Variants in PPP2R5D observed in about 807,000 individuals in gnomAD.
The protein encoded by PPP2R5D is serine/threonine-protein phosphatase 2A 56 kDa regulatory subunit delta isoform.
A neutral mutation model predicts 79.1 loss-of-function variants in PPP2R5D; 12 were observed. The observed-to-expected ratio is 0.15, with a 90% CI of 0.10 to 0.25. The LOEUF is 0.25. Among genes scored for constraint, PPP2R5D ranks in the 10% least tolerant of loss-of-function variants. The pLI, the probability that PPP2R5D is intolerant of heterozygous loss-of-function variation, is 1.00. For missense variants in PPP2R5D, 419 were observed against 760.2 expected (o/e 0.55, Z 5.28); for synonymous variants, 277 against 286.6 (o/e 0.97, Z 0.34).
Position 42,984,628 on chromosome 6 carries a change from C to CGGAGCCGGAGCGGGGCCGCA in PPP2R5D, c.-45_-26dup. 2 of 1,567,556 alleles carry CGGAGCCGGAGCGGGGCCGCA rather than the reference C, an allele frequency of 1.3e-6. No homozygotes were observed. The highest frequency in any genetic ancestry group is 1.7e-6 in the Non-Finnish European group (2 of 1,158,312). ...CGGGCCGAGTGCGGCCGAGCAAAGCCGGAGCCGGAGCGGGGCCGCAGGAGA... is the reference window on the plus strand; with the variant it reads ...CGGGCCGAGTGCGGCCGAGCAAAGCCGGAGCCGGAGCGGGGCCGCAGGAGCCGGAGCGGGGCCGCAGGAGA... On this transcript the variant is annotated 5_prime_UTR_variant, in exon 1 of 16. Transcript: ENST00000485511.
At chr6:43,000,756 G>T (rs1772125594) in intron 2 of PPP2R5D, among the ~76,000 whole-genome samples, 1 of 152,182 alleles carries the variant, frequency 6.6e-6, no homozygotes, top group East Asian at 1.9e-4. Flanking sequence ...ATGCTGTATA[G>T]CCCCCTGTTC....
In PPP2R5D at chr6:42,992,374, T is replaced by C. The variant is rs1337296833; in HGVS notation, c.105+2686T>C. On this transcript the variant is annotated intron_variant, in intron 2 of 15. Coordinates refer to ENST00000485511, the MANE Select transcript of PPP2R5D (RefSeq NM_006245.4). ...GCGCCCGGCCCCCTTGCCCTTTTCT[T>C]GTCCGGAATTTTGGGCTCTTCTAGC... is the stretch of plus-strand genomic sequence containing the variant. Among the ~76,000 whole-genome samples, 6 of 152,174 alleles carry C rather than the reference T, an allele frequency of 3.9e-5. No individual in the cohort carries two copies. In the East Asian group the frequency reaches 1.2e-3, roughly 29 times the overall value.
chr6:42,984,760 G>C, intron 1 of PPP2R5D, 56 bp downstream of exon 1: 1 of 1,608,382 alleles, frequency 6.2e-7, no homozygotes, highest in Non-Finnish European at 8.5e-7. Flanking sequence ...GGAGCTCTGG[G>C]AGGGGCCGGA....
chr6:42,986,280 C>T (rs2150247567), intron 1 of PPP2R5D, among the ~76,000 whole-genome samples: 1 of 152,304 alleles, frequency 6.6e-6, no homozygotes, highest in South Asian at 2.1e-4. Flanking sequence ...CTTCTCCTCT[C>T]CTGGGGCTGG....
chr6:42,989,749 C>A, intron 2 of PPP2R5D, 61 bp downstream of exon 2: 1 of 1,487,390 alleles, frequency 6.7e-7, no homozygotes, highest in Non-Finnish European at 9.3e-7. Context: ...TCCATGATGG[C>A]TAGTTGGGTA....
Position 43,007,911 on chromosome 6 carries a change from G to T in PPP2R5D, c.727-24G>T. 1 of 1,612,662 alleles carries T rather than the reference G, an allele frequency of 6.2e-7. No individual in the cohort carries two copies. Among genetic ancestry groups the T allele is most frequent in the Non-Finnish European group, 8.5e-7 (1 of 1,178,796 alleles). The stretch of plus-strand genomic sequence containing the variant: ...TTCCCTGGCTGCTGCCTCACTGGCT[G>T]CTTTCCCTCCCTTGTACCCCCAGCT... On this transcript the variant is annotated intron_variant, in intron 6 of 15. Coordinates refer to ENST00000485511, the MANE Select transcript of PPP2R5D (RefSeq NM_006245.4). The surrounding 1 kb of genome is among the most constrained non-coding windows in gnomAD (Gnocchi z 4.5).
At chr6:42,996,545 A>G (rs1476097394) in intron 2 of PPP2R5D, among the ~76,000 whole-genome samples, 4 of 152,130 alleles carry the variant, frequency 2.6e-5, no homozygotes, top group Non-Finnish European at 4.4e-5. Context: ...CTTCAGGGAT[A>G]TCTTCCCTAA....
chr6:43,005,400 T>G (rs1762019798), intron 2 of PPP2R5D, among the ~76,000 whole-genome samples: 1 of 152,042 alleles, frequency 6.6e-6, no homozygotes, highest in Non-Finnish European at 1.5e-5. Context: ...CCTCCAACCT[T>G]GAGTAGCTGG....
At chr6:42,992,386 T>G (rs1011015243) in intron 2 of PPP2R5D, among the ~76,000 whole-genome samples, 1 of 152,328 alleles carries the variant, frequency 6.6e-6, no homozygotes, top group African/African-American at 2.4e-5. Context: ...TCCGGAATTT[T>G]GGGCTCTTCT....
Position 43,007,431 on chromosome 6 carries a change from C to T in PPP2R5D, c.651C>T (p.Phe217=). The stretch of plus-strand genomic sequence containing the variant: ...CCCTATAGCTCGTGTATGAGTTCTT[C>T]TTACGTTTCCTTGAGTCTCCTGATT... The part of the protein sequence containing the change: ...WPHLQLVYEF[F]LRFLESPDFQ... The change falls in exon 6 of 16, where the codon TTC becomes TTT. Residue 217 remains phenylalanine, a synonymous_variant. Transcript: ENST00000485511. The surrounding 1 kb of genome is among the most constrained non-coding windows in gnomAD (Gnocchi z 4.5). 6.2e-7 allele frequency: 1 copy of T among 1,613,412 alleles called. No homozygotes were observed. Among genetic ancestry groups the T allele is most frequent in the Non-Finnish European group, 8.5e-7 (1 of 1,179,306 alleles).
At chr6:42,985,491 T>C (rs868644110) in intron 1 of PPP2R5D, among the ~76,000 whole-genome samples, 3 of 152,362 alleles carry the variant, frequency 2.0e-5, no homozygotes, top group South Asian at 4.1e-4. Context: ...AGGCCTCTTT[T>C]GTATCAAAGC....
At chr6:42,996,212 C>A (rs1343428488) in intron 2 of PPP2R5D, among the ~76,000 whole-genome samples, 1 of 149,318 alleles carries the variant, frequency 6.7e-6, no homozygotes, top group Non-Finnish European at 1.5e-5. Context: ...ACCTGTAATC[C>A]CAGCACTTTG....
intron 1 of PPP2R5D, among the ~76,000 whole-genome samples, chr6:42,985,775 CTTT>C (rs945324833): frequency 1.7e-5 from 2 of 118,290 alleles, no homozygotes; most frequent in Non-Finnish European, 3.6e-5. Context: ...CAGGCCATTT[CTTT>C]TTTTTTTTTT....
In PPP2R5D at chr6:43,007,635, A is replaced by G. The variant is rs1762160781; in HGVS notation, c.726+129A>G. The G allele has an allele frequency of 5.1e-6, 5 of 971,506 alleles. No individual in the cohort carries two copies. The East Asian group carries it at 1.2e-4, about 24-fold the overall frequency. 60.2% of individuals were successfully genotyped at this position (971,506 alleles called of 1,614,324 possible). ...TCCATGTCTGGTACGAGGAGGCTAT[A>G]AAGGGTAAAAAACAAAACAAAACAA... On this transcript the variant is annotated intron_variant, in intron 6 of 15. Coordinates refer to ENST00000485511, the MANE Select transcript of PPP2R5D (RefSeq NM_006245.4). This position sits in a 1 kb window ranked among gnomAD's most constrained non-coding sequence, Gnocchi z 4.5.
intron 2 of PPP2R5D, among the ~76,000 whole-genome samples, chr6:42,993,882 T>C (rs942070279): frequency 6.6e-6 from 1 of 152,240 alleles, no homozygotes; most frequent in Non-Finnish European, 1.5e-5. Context: ...GGTAGGGGAC[T>C]GGATACTGTG....
chr6:43,004,635 T>G (rs571304114), intron 2 of PPP2R5D, among the ~76,000 whole-genome samples: 3 of 150,374 alleles, frequency 2.0e-5, no homozygotes, highest in Admixed American at 6.6e-5. Flanking sequence ...AAATAAGTCC[T>G]CATCATTCTT....
In PPP2R5D at chr6:43,010,262, C is replaced by T. The variant is rs919269999; in HGVS notation, c.1380-206C>T. Among the ~76,000 whole-genome samples the T allele has an allele frequency of 1.3e-5, 2 of 151,950 alleles. No homozygotes were observed. The highest frequency in any genetic ancestry group is 2.9e-5 in the Non-Finnish European group (2 of 68,008). ...GTGAGGGAAGGATGGACAGGTGGACCGATATTTGTGAAAACCATGAAATGC... is the reference window on the plus strand; with the variant it reads ...GTGAGGGAAGGATGGACAGGTGGACTGATATTTGTGAAAACCATGAAATGC... On this transcript the variant is annotated intron_variant, in intron 12 of 15. Transcript: ENST00000485511. The surrounding 1 kb of genome is among the most constrained non-coding windows in gnomAD (Gnocchi z 4.7).
Position 43,008,996 on chromosome 6 carries a change from C to A in PPP2R5D, c.1081-61C>A, listed in dbSNP as rs971769920. ...GTGGGGGAGAGAGCAGGTAGGAAAACTTCCTGGTGACCTAGGCAGGTGCAA... is the reference window on the plus strand; with the variant it reads ...GTGGGGGAGAGAGCAGGTAGGAAAAATTCCTGGTGACCTAGGCAGGTGCAA... On this transcript the variant is annotated intron_variant, in intron 10 of 15. Coordinates refer to ENST00000485511, the MANE Select transcript of PPP2R5D (RefSeq NM_006245.4). The surrounding 1 kb of genome is among the most constrained non-coding windows in gnomAD (Gnocchi z 4.2). The A allele has an allele frequency of 3.8e-6, 6 of 1,571,148 alleles. No individual in the cohort carries two copies. The Admixed American group carries it at 8.7e-5, about 23-fold the overall frequency.
chr6:43,006,878 C>CAGAGG lies in PPP2R5D; in HGVS notation c.323-29_323-25dup. On this transcript the variant is annotated intron_variant, in intron 3 of 15. Coordinates refer to ENST00000485511, the MANE Select transcript of PPP2R5D (RefSeq NM_006245.4). The surrounding 1 kb of genome is among the most constrained non-coding windows in gnomAD (Gnocchi z 4.7). Reference sequence around the variant, plus strand: ...AGCAGGGCATCGCAGTGAAGGACTACAGAGGAGAACCTGACTGCTGGGGCC... The same window carrying CAGAGG: ...AGCAGGGCATCGCAGTGAAGGACTACAGAGGAGAGGAGAACCTGACTGCTGGGGCC... 6.2e-7 allele frequency: 1 copy of CAGAGG among 1,612,232 alleles called. No homozygotes were observed.
Sources: allele counts gnomAD v4.1 joint callset (sites outside exome capture counted in the v4.1 genomes callset), GRCh38; gene constraint gnomAD v4.1.1; non-coding constraint Gnocchi (gnomAD v3.1); transcripts MANE v1.5; gene names NCBI Gene and HGNC (gene_info 2026-07-23, HGNC 2026-07-21).